Variants in CDH4 observed in about 807,000 individuals in gnomAD.
CDH4 encodes cadherin-4.
In CDH4, 33 loss-of-function variants were observed where a neutral mutation model predicts 86.0. The observed-to-expected ratio is 0.38, with a 90% CI of 0.29 to 0.51. The LOEUF is 0.51. Among genes scored for constraint, CDH4 ranks in the 20% least tolerant of loss-of-function variants. The probability of loss-of-function intolerance (pLI) is 0.86; values close to 1 mark genes in which losing one functional copy is unlikely to be tolerated. For missense variants in CDH4, 1,114 were observed against 1,307.4 expected, an observed-to-expected ratio of 0.85 and a Z score of 2.28; for synonymous variants, 555 against 549.4, an observed-to-expected ratio of 1.01 and a Z score of -0.14.
chr20:61,799,857 C>T (rs761320864), intron 4 of CDH4, among the ~76,000 whole-genome samples: 4 of 152,214 alleles, frequency 2.6e-5, no homozygotes, highest in Admixed American at 1.3e-4. Flanking sequence ...GGCTGCCAGC[C>T]TCATAACACC....
At chr20:61,863,502 A>C (rs556343515) in intron 6 of CDH4, among the ~76,000 whole-genome samples, 7 of 152,238 alleles carry the variant, frequency 4.6e-5, no homozygotes, top group Non-Finnish European at 8.8e-5. Flanking sequence ...CAGAGGGCAC[A>C]GGTGAGGGAC....
At position 61,829,340 on chromosome 20, in the gene CDH4, G is replaced by A. The variant is rs991368024; in HGVS notation, c.577-15328G>A. On this transcript the variant is annotated intron_variant, in intron 4 of 15. Transcript: ENST00000614565. This position sits in a 1 kb window ranked among gnomAD's most constrained non-coding sequence, Gnocchi z 4.2. Reference sequence around the variant, plus strand: ...ATGCTGCAGCTCGTATCAGAACCTAGTTCCTTTCAGGGCCAAATAACATTT... The same window carrying A: ...ATGCTGCAGCTCGTATCAGAACCTAATTCCTTTCAGGGCCAAATAACATTT... 1.3e-5 allele frequency among the ~76,000 whole-genome samples: 2 copies of A among 152,228 alleles called. No homozygotes were observed. Among genetic ancestry groups the A allele is most frequent in the African/African-American group, 4.8e-5 (2 of 41,456 alleles).
chr20:61,317,864 C>T (rs2084485537), intron 2 of CDH4, among the ~76,000 whole-genome samples: 1 of 152,192 alleles, frequency 6.6e-6, no homozygotes, highest in Admixed American at 6.5e-5. Context: ...CCTCAAGGGA[C>T]ATGTCAGAGT....
intron 7 of CDH4, among the ~76,000 whole-genome samples, chr20:61,889,089 C>T (rs1347505839): frequency 6.6e-6 from 1 of 152,234 alleles, no homozygotes; most frequent in Non-Finnish European, 1.5e-5. Flanking sequence ...CTGCCCCAGC[C>T]CTGCTGTGCC....
In CDH4 at chr20:61,392,982, A is replaced by T. The variant is rs1287439444; in HGVS notation, c.169+138045A>T. Among the ~76,000 whole-genome samples, 1 of 152,238 alleles carries T rather than the reference A, an allele frequency of 6.6e-6. No individual in the cohort carries two copies. Among genetic ancestry groups the T allele is most frequent in the South Asian group, 2.1e-4 (1 of 4,818 alleles). On this transcript the variant is annotated intron_variant, in intron 2 of 15. Coordinates refer to ENST00000614565, the MANE Select transcript of CDH4 (RefSeq NM_001794.5). This position sits in a 1 kb window ranked among gnomAD's most constrained non-coding sequence, Gnocchi z 5.7. ...GCAGCCGAGCCTCCTGCTTGAGCACATGCCTTGTCGCTCAGGGCTTGACGG... is the reference window on the plus strand; with the variant it reads ...GCAGCCGAGCCTCCTGCTTGAGCACTTGCCTTGTCGCTCAGGGCTTGACGG...
intron 2 of CDH4, among the ~76,000 whole-genome samples, chr20:61,497,895 A>G (rs1031299113): frequency 3.9e-5 from 6 of 152,130 alleles, no homozygotes; most frequent in Non-Finnish European, 8.8e-5. Flanking sequence ...GGATGCGTTC[A>G]TGTCCTTTGT....
chr20:61,449,049 A>G (rs1359893067), intron 2 of CDH4, among the ~76,000 whole-genome samples: 1 of 152,120 alleles, frequency 6.6e-6, no homozygotes, highest in Non-Finnish European at 1.5e-5. Context: ...AACTTCTGTC[A>G]CTTCACACAC....
chr20:61,398,315 A>G (rs2145476111), intron 2 of CDH4, among the ~76,000 whole-genome samples: 1 of 152,360 alleles, frequency 6.6e-6, no homozygotes. Flanking sequence ...ACAACACAAA[A>G]GGAAAACTAT....
At chr20:61,868,887 G>A (rs1251433965) in intron 6 of CDH4, among the ~76,000 whole-genome samples, 1 of 152,230 alleles carries the variant, frequency 6.6e-6, no homozygotes, top group Non-Finnish European at 1.5e-5. Flanking sequence ...GGCACACCTG[G>A]CCCCCACTGA....
At chr20:61,889,591 G>A in intron 7 of CDH4, among the ~76,000 whole-genome samples, 2 of 5,764 alleles carry the variant, frequency 3.5e-4, no homozygotes, top group Non-Finnish European at 1.7e-3. Flanking sequence ...ATGAGTTAGT[G>A]GATGGATGGA....
intron 2 of CDH4, among the ~76,000 whole-genome samples, chr20:61,526,574 T>A (rs2085912230): frequency 6.6e-6 from 1 of 151,786 alleles, no homozygotes; most frequent in Non-Finnish European, 1.5e-5. Flanking sequence ...TGTATACATG[T>A]GCCATGCTGG....
intron 2 of CDH4, among the ~76,000 whole-genome samples, chr20:61,722,897 G>A (rs1365088166): frequency 6.6e-6 from 1 of 152,174 alleles, no homozygotes; most frequent in African/African-American, 2.4e-5. Context: ...TTCCTGGGAC[G>A]ATGCTGTTGT....
At chr20:61,880,045 A>G (rs1306782492) in intron 7 of CDH4, among the ~76,000 whole-genome samples, 2 of 152,216 alleles carry the variant, frequency 1.3e-5, no homozygotes, top group Non-Finnish European at 2.9e-5. Flanking sequence ...CGGTGCTGTC[A>G]TCCAATGGAT....
At chr20:61,421,138 G>A (rs77938292) in intron 2 of CDH4, among the ~76,000 whole-genome samples, 2,194 of 152,312 alleles carry the variant, frequency 0.014, 60 homozygotes, top group African/African-American at 0.05. Flanking sequence ...GCCCTTTTCC[G>A]TGGGGACCCT....
At position 61,910,693 on chromosome 20, in the gene CDH4, C is replaced by T. The variant is rs1485413646; in HGVS notation, c.1374+86C>T. 44 of 1,271,012 alleles carry T rather than the reference C, an allele frequency of 3.5e-5. No individual in the cohort carries two copies. In the East Asian group the frequency reaches 4.3e-4, roughly 13 times the overall value. 78.7% of individuals were successfully genotyped at this position (1,271,012 alleles called of 1,614,324 possible). A position where few individuals can be genotyped will look rare whatever the true frequency, so the allele number is the denominator to read the frequency against. On this transcript the variant is annotated intron_variant, in intron 9 of 15. Transcript: ENST00000614565. Reference sequence around the variant, plus strand: ...GGACCAGTCAAACAGGAGTGATACTCGGTGTAAAGTTACTGCCCCCCTAAT... The same window carrying T: ...GGACCAGTCAAACAGGAGTGATACTTGGTGTAAAGTTACTGCCCCCCTAAT...
chr20:61,876,179 C>T (rs922203448), intron 7 of CDH4, among the ~76,000 whole-genome samples: 4 of 152,238 alleles, frequency 2.6e-5, no homozygotes, highest in African/African-American at 9.6e-5. Flanking sequence ...GCGCCGGCAC[C>T]TCTGGGATGG....
intron 4 of CDH4, among the ~76,000 whole-genome samples, chr20:61,812,082 C>T (rs1980469302): frequency 6.6e-6 from 1 of 152,124 alleles, no homozygotes; most frequent in Admixed American, 6.5e-5. Flanking sequence ...GGGGACACAG[C>T]ACTCTCACCG....
intron 2 of CDH4, among the ~76,000 whole-genome samples, chr20:61,454,735 G>A (rs1198139550): frequency 6.6e-6 from 1 of 152,150 alleles, no homozygotes; most frequent in Non-Finnish European, 1.5e-5. Flanking sequence ...ATGAGCCACC[G>A]CGCCCTGCTG....
intron 2 of CDH4, among the ~76,000 whole-genome samples, chr20:61,495,169 G>A (rs982430961): frequency 6.6e-6 from 1 of 152,240 alleles, no homozygotes; most frequent in Non-Finnish European, 1.5e-5. Context: ...GAAGGCGGCG[G>A]TGGCCTCGTC....
Sources: allele counts gnomAD v4.1 joint callset (sites outside exome capture counted in the v4.1 genomes callset), GRCh38; gene constraint gnomAD v4.1.1; non-coding constraint Gnocchi (gnomAD v3.1); transcripts MANE v1.5; gene names NCBI Gene and HGNC (gene_info 2026-07-23, HGNC 2026-07-21).